TRAF3IP3: variants seen among roughly 807,000 people sequenced by gnomAD.
TRAF3IP3 encodes the protein TRAF3-interacting JNK-activating modulator.
A neutral mutation model predicts 86.5 loss-of-function variants in TRAF3IP3; 64 were observed. The ratio of observed to expected loss-of-function variants is 0.74; its 90% CI spans 0.60 to 0.91. TRAF3IP3 has a LOEUF of 0.91. Ranked by LOEUF, TRAF3IP3 falls within the 40% of genes least tolerant of loss-of-function variation. The pLI, the probability that TRAF3IP3 is intolerant of heterozygous loss-of-function variation, is 0.00. For synonymous variants in TRAF3IP3, 220 were observed against 243.9 expected, an observed-to-expected ratio of 0.90 and a Z score of 0.91; for missense variants, 579 against 642.9, an observed-to-expected ratio of 0.90 and a Z score of 1.07.
intron 8 of TRAF3IP3, among the ~76,000 whole-genome samples, chr1:209,768,869 G>A (rs901131078): frequency 4.6e-5 from 7 of 152,206 alleles, no homozygotes; most frequent in African/African-American, 1.2e-4. Flanking sequence ...ACTTGGCTGC[G>A]ACTTTTATGA....
intron 13 of TRAF3IP3, 79 bp from the exon 14 acceptor site, chr1:209,779,236 G>T (rs2077724542): frequency 8.3e-7 from 1 of 1,198,978 alleles, no homozygotes; most frequent in Non-Finnish European, 1.2e-6. Flanking sequence ...AATAACCAAG[G>T]TTCTAAGCAA....
intron 13 of TRAF3IP3, chr1:209,778,384 C>T (rs2077704463): frequency 2.0e-6 from 1 of 488,078 alleles, no homozygotes. Context: ...TACTGTTCTC[C>T]TTCCATGCCA....
chr1:209,780,737 A>C, intron 15 of TRAF3IP3, 131 bp downstream of exon 15: 1 of 849,068 alleles, frequency 1.2e-6, no homozygotes, highest in Admixed American at 4.1e-5. Flanking sequence ...TTGCCTACAT[A>C]AAGTGTCTGT....
At chr1:209,759,430 A>G (rs2077206868) in intron 2 of TRAF3IP3, among the ~76,000 whole-genome samples, 1 of 152,224 alleles carries the variant, frequency 6.6e-6, no homozygotes, top group Non-Finnish European at 1.5e-5. Flanking sequence ...TGCTGGTCAC[A>G]GGACTGGTCA....
intron 2 of TRAF3IP3, among the ~76,000 whole-genome samples, chr1:209,759,451 G>C (rs1267615123): frequency 1.3e-5 from 2 of 152,180 alleles, no homozygotes; most frequent in African/African-American, 4.8e-5. Context: ...CCACCTGAGG[G>C]GGTGTGGTTA....
chr1:209,777,787 C>T (rs1043494510), intron 12 of TRAF3IP3: 7 of 509,714 alleles, frequency 1.4e-5, no homozygotes, highest in Non-Finnish European at 2.4e-5. Flanking sequence ...AGGCCACAGT[C>T]CTAATTTGAA....
intron 8 of TRAF3IP3, among the ~76,000 whole-genome samples, chr1:209,772,460 G>C (rs888888693): frequency 6.6e-6 from 1 of 152,178 alleles, no homozygotes; most frequent in African/African-American, 2.4e-5. Flanking sequence ...CTTCAACATA[G>C]AAATGTTGAG....
intron 10 of TRAF3IP3, 54 bp from the exon 11 acceptor site, chr1:209,775,545 A>G (rs2077635032): frequency 6.2e-7 from 1 of 1,614,046 alleles, no homozygotes; most frequent in Non-Finnish European, 8.5e-7. Flanking sequence ...TTGGGGAACA[A>G]GGGGAGCCAG....
chr1:209,759,298 G>A (rs951165755), intron 2 of TRAF3IP3, among the ~76,000 whole-genome samples, 164 bp downstream of exon 2: 5 of 152,186 alleles, frequency 3.3e-5, no homozygotes, highest in African/African-American at 9.7e-5. Context: ...GCTTGGAGTG[G>A]GGGGCCCATG....
chr1:209,771,047 T>A (rs2077491006), intron 8 of TRAF3IP3, among the ~76,000 whole-genome samples: 1 of 126,180 alleles, frequency 7.9e-6, no homozygotes, highest in African/African-American at 3.7e-5. Context: ...GGTGGAAGTG[T>A]GCGTGTGCAT....
In TRAF3IP3 at chr1:209,762,945, G is replaced by A. The variant is rs185792846; in HGVS notation, c.551+75G>A. On this transcript the variant is annotated intron_variant, in intron 5 of 16. Coordinates refer to ENST00000367025, the MANE Select transcript of TRAF3IP3 (RefSeq NM_025228.4). Reference sequence around the variant, plus strand: ...GAGAACACAATGAATTTCCATGTCCGCCTTAATTAAGAAAGAGGAAGCCCT... The same window carrying A: ...GAGAACACAATGAATTTCCATGTCCACCTTAATTAAGAAAGAGGAAGCCCT... The A allele has an allele frequency of 2.4e-3, 3,919 of 1,605,320 alleles. 9 individuals carry two copies. Among genetic ancestry groups the A allele is most frequent in the Non-Finnish European group, 3.0e-3 (3,572 of 1,172,252 alleles).
chr1:209,770,873 C>A (rs2077476960), intron 8 of TRAF3IP3, among the ~76,000 whole-genome samples: 1 of 115,842 alleles, frequency 8.6e-6, no homozygotes, highest in South Asian at 3.0e-4. Context: ...GTGTGTGTGC[C>A]ATGTGGAGGT....
chr1:209,770,877 T>G (rs1461375273), intron 8 of TRAF3IP3, among the ~76,000 whole-genome samples: 1 of 127,040 alleles, frequency 7.9e-6, no homozygotes, highest in Non-Finnish European at 1.6e-5. Flanking sequence ...GTGTGCCATG[T>G]GGAGGTGTGC....
In TRAF3IP3 at chr1:209,778,094, C is replaced by T. The variant is rs777875279; in HGVS notation, c.1190-17C>T. The stretch of plus-strand genomic sequence containing the variant: ...TCTTGGGTTCCTTTATTTTGGCTTG[C>T]ATTATTGCATTTTCAGATCAACTAA... On this transcript the variant is annotated splice_polypyrimidine_tract_variant and intron_variant, in intron 12 of 16. Transcript: ENST00000367025. 6.2e-7 allele frequency: 1 copy of T among 1,612,890 alleles called. No homozygotes were observed. Among genetic ancestry groups the T allele is most frequent in the Non-Finnish European group, 8.5e-7 (1 of 1,179,084 alleles).
At chr1:209,779,045 T>C in intron 13 of TRAF3IP3, 1 of 503,134 alleles carries the variant, frequency 2.0e-6, no homozygotes, top group African/African-American at 1.9e-5. Context: ...ATATTTCCCC[T>C]TCTTATAAGG....
At chr1:209,777,215 T>G in intron 11 of TRAF3IP3, 137 bp from the exon 12 acceptor site, 1 of 669,288 alleles carries the variant, frequency 1.5e-6, no homozygotes, top group Non-Finnish European at 2.4e-6. Flanking sequence ...GACTTCTCTA[T>G]TTTCTCATCT....
At chr1:209,763,610 GAAC>G (rs1191532529) in intron 8 of TRAF3IP3, 23 bp downstream of exon 8, 1 of 1,565,394 alleles carries the variant, frequency 6.4e-7, no homozygotes, top group Non-Finnish European at 8.6e-7. Flanking sequence ...AATTCTTTTT[GAAC>G]AAAGCTTGGG....
At chr1:209,764,902 C>T (rs936855626) in intron 8 of TRAF3IP3, among the ~76,000 whole-genome samples, 10 of 151,646 alleles carry the variant, frequency 6.6e-5, no homozygotes, top group Non-Finnish European at 1.3e-4. Flanking sequence ...GGCCAGGTGC[C>T]GTGCATCATG....
chr1:209,757,213 G>A (rs949309273), intron 1 of TRAF3IP3, among the ~76,000 whole-genome samples: 1 of 152,202 alleles, frequency 6.6e-6, no homozygotes, highest in Non-Finnish European at 1.5e-5. Flanking sequence ...GGGTAAGAAG[G>A]CTCCATGTCT....
Sources: gnomAD v4.1 joint callset for allele counts (sites outside exome capture counted in the v4.1 genomes callset) on GRCh38, gnomAD v4.1.1 for gene constraint, MANE v1.5 for transcripts, NCBI Gene and HGNC (gene_info 2026-07-23, HGNC 2026-07-21) for gene names.